The following GPC6 variants were observed in gnomAD, a reference collection of about 807,000 sequenced individuals.
GPC6 encodes the protein glypican 6.
In GPC6, 14 loss-of-function variants were observed where a neutral mutation model predicts 55.2. The observed-to-expected ratio is 0.25, with a 90% CI of 0.17 to 0.40. The LOEUF (loss-of-function observed/expected upper bound fraction) is 0.40. Among genes scored for constraint, GPC6 ranks in the 10% least tolerant of loss-of-function variants. The pLI is 1.00. For synonymous variants in GPC6, 278 were observed against 259.6 expected, an observed-to-expected ratio of 1.07 and a Z score of -0.68; for missense variants, 641 against 708.5, an observed-to-expected ratio of 0.90 and a Z score of 1.08.
chr13:93,997,235 A>G (rs950223322), intron 3 of GPC6, among the ~76,000 whole-genome samples: 11 of 152,198 alleles, frequency 7.2e-5, no homozygotes, highest in Non-Finnish European at 1.6e-4. Flanking sequence ...GCCATAGGAG[A>G]CATCACTTTG....
chr13:93,944,004 C>T (rs1394803812), intron 3 of GPC6, among the ~76,000 whole-genome samples: 1 of 152,110 alleles, frequency 6.6e-6, no homozygotes, highest in Non-Finnish European at 1.5e-5. Context: ...CTCAGCATCC[C>T]CTATCTGGGG....
At chr13:93,330,190 A>G (rs890970831) in intron 1 of GPC6, among the ~76,000 whole-genome samples, 2 of 152,166 alleles carry the variant, frequency 1.3e-5, no homozygotes, top group African/African-American at 4.8e-5. Flanking sequence ...CTACTCACTG[A>G]GTGCTATTAA....
intron 1 of GPC6, among the ~76,000 whole-genome samples, chr13:93,251,676 T>G (rs1488155094): frequency 6.6e-6 from 1 of 152,164 alleles, no homozygotes; most frequent in African/African-American, 2.4e-5. Flanking sequence ...TAAATGTTAG[T>G]TCTCCTTTTC....
intron 6 of GPC6, among the ~76,000 whole-genome samples, chr13:94,347,476 A>C (rs574805538): frequency 6.6e-6 from 1 of 152,344 alleles, no homozygotes; most frequent in South Asian, 2.1e-4. Context: ...ATTTCCTTTC[A>C]GAAGTTACCC....
chr13:93,546,000 A>G (rs1874768721), intron 2 of GPC6, among the ~76,000 whole-genome samples: 1 of 152,264 alleles, frequency 6.6e-6, no homozygotes, highest in Non-Finnish European at 1.5e-5. Flanking sequence ...AAACATTTTT[A>G]TATTACAAAT....
chr13:94,154,356 A>AT (rs1399431946), intron 4 of GPC6: 2 of 152,050 alleles, frequency 1.3e-5, no homozygotes, highest in Admixed American at 1.3e-4. Flanking sequence ...ATTCTCTTCC[A>AT]TTTTTTTCCT....
intron 1 of GPC6, among the ~76,000 whole-genome samples, chr13:93,535,584 A>G (rs1013319731): frequency 6.6e-6 from 1 of 152,036 alleles, no homozygotes. Flanking sequence ...CACATGGTCA[A>G]AAGAGTCTTA....
At chr13:94,328,031 C>T (rs1877215337) in intron 6 of GPC6, among the ~76,000 whole-genome samples, 1 of 152,248 alleles carries the variant, frequency 6.6e-6, no homozygotes, top group African/African-American at 2.4e-5. Context: ...TCCTGGAGAT[C>T]GCCTACAAAG....
At chr13:93,729,692 A>G (rs187028941) in intron 2 of GPC6, among the ~76,000 whole-genome samples, 1 of 152,334 alleles carries the variant, frequency 6.6e-6, no homozygotes, top group Non-Finnish European at 1.5e-5. Flanking sequence ...AGCATAGCTT[A>G]TGATTCAACC....
chr13:94,372,608 A>G (rs1332100462), intron 6 of GPC6, among the ~76,000 whole-genome samples: 1 of 152,134 alleles, frequency 6.6e-6, no homozygotes, highest in Non-Finnish European at 1.5e-5. Context: ...GTCTGAGATC[A>G]AACTGCAAGG....
rs186967366 is a variant in GPC6 at position 93,348,018 on chromosome 13, A to C, written c.160+120402A>C. On this transcript the variant is annotated intron_variant, in intron 1 of 8. Transcript: ENST00000377047. Reference sequence around the variant, plus strand: ...TCCTACAGTTTTAAAGCCCCTTGACAGTTTATTCCCTACTGCACAACATTT... The same window carrying C: ...TCCTACAGTTTTAAAGCCCCTTGACCGTTTATTCCCTACTGCACAACATTT... Among the ~76,000 whole-genome samples, 17 of 152,308 alleles carry C rather than the reference A, an allele frequency of 1.1e-4. No homozygotes were observed. The East Asian group carries it at 1.2e-3, about 10-fold the overall frequency.
At chr13:94,091,743 A>T (rs1885484548) in intron 4 of GPC6, among the ~76,000 whole-genome samples, 1 of 152,036 alleles carries the variant, frequency 6.6e-6, no homozygotes, top group South Asian at 2.1e-4. Context: ...GATGATGATG[A>T]CCAGAAGATA....
At chr13:93,640,692 CCT>C (rs1879876826) in intron 2 of GPC6, among the ~76,000 whole-genome samples, 1 of 149,112 alleles carries the variant, frequency 6.7e-6, no homozygotes, top group African/African-American at 2.5e-5. Context: ...CTCCCCGCTC[CCT>C]GTTTCCCCTC....
intron 1 of GPC6, among the ~76,000 whole-genome samples, chr13:93,389,440 C>T (rs1246686484): frequency 6.7e-6 from 1 of 149,964 alleles, no homozygotes; most frequent in Non-Finnish European, 1.5e-5. Context: ...AGAGGTGGAG[C>T]TTGTAGTGAG....
At chr13:93,562,271 T>G (rs1875853104) in intron 2 of GPC6, among the ~76,000 whole-genome samples, 1 of 152,124 alleles carries the variant, frequency 6.6e-6, no homozygotes, top group Non-Finnish European at 1.5e-5. Flanking sequence ...TAATTCGGCC[T>G]TACTCACATT....
rs149547429 is a variant in GPC6 at position 94,180,485 on chromosome 13, G to A, written c.878-105864G>A. Among the ~76,000 whole-genome samples, 47 of 152,248 alleles carry A rather than the reference G, an allele frequency of 3.1e-4. 1 individual carries two copies. The highest frequency in any genetic ancestry group is 1.1e-3 in the African/African-American group (46 of 41,548). On this transcript the variant is annotated intron_variant, in intron 4 of 8. Coordinates refer to ENST00000377047, the MANE Select transcript of GPC6 (RefSeq NM_005708.5). The stretch of plus-strand genomic sequence containing the variant: ...TTTGCTTAAGTAGATAATGAAAATA[G>A]CAAGAGAAATCGATGAATGAAACCA...
chr13:93,839,863 G>A (rs777803280), intron 3 of GPC6, among the ~76,000 whole-genome samples: 19 of 152,142 alleles, frequency 1.2e-4, no homozygotes, highest in Non-Finnish European at 2.2e-4. Flanking sequence ...GTTGGATTCG[G>A]TTAGCTAGTA....
chr13:93,540,364 A>G (rs1167554106), intron 1 of GPC6, among the ~76,000 whole-genome samples: 1 of 152,194 alleles, frequency 6.6e-6, no homozygotes, highest in Non-Finnish European at 1.5e-5. Context: ...GATTATAGAT[A>G]AAAGTATTGG....
chr13:93,355,043 A>G (rs1353386830), intron 1 of GPC6, among the ~76,000 whole-genome samples: 1 of 152,108 alleles, frequency 6.6e-6, no homozygotes, highest in Non-Finnish European at 1.5e-5. Flanking sequence ...GGAGTCATTG[A>G]CTCCACCACC....
Sources: gnomAD v4.1 joint callset for allele counts (sites outside exome capture counted in the v4.1 genomes callset) on GRCh38, gnomAD v4.1.1 for gene constraint, MANE v1.5 for transcripts, NCBI Gene and HGNC (gene_info 2026-07-23, HGNC 2026-07-21) for gene names.